HHIPL1: variants seen among roughly 807,000 people sequenced by gnomAD.
HHIPL1 encodes the protein HHIP like 1.
HHIPL1 carries 43 observed loss-of-function variants against 61.8 expected under a neutral mutation model. The observed-to-expected ratio is 0.70, with a 90% CI of 0.55 to 0.90. The LOEUF (loss-of-function observed/expected upper bound fraction) is 0.90, where lower values mean the gene tolerates loss of function less well. Among genes scored for constraint, HHIPL1 ranks in the 40% least tolerant of loss-of-function variants. The pLI is 0.00. For synonymous variants in HHIPL1, 482 were observed against 515.8 expected, an observed-to-expected ratio of 0.93 and a Z score of 0.89; for missense variants, 1,056 against 1,157.7, an observed-to-expected ratio of 0.91 and a Z score of 1.28.
the HHIPL1 span, among the ~76,000 whole-genome samples, chr14:99,637,222 A>AAGAT: frequency 7.5e-5 from 10 of 133,714 alleles, no homozygotes; most frequent in South Asian, 2.1e-3. Context: ...GAAAGAAAGA[A>AAGAT]AGAAAGAAAG....
chr14:99,637,268 A>AAAG, the HHIPL1 span, among the ~76,000 whole-genome samples: 6 of 142,610 alleles, frequency 4.2e-5, no homozygotes, highest in East Asian at 1.3e-3. Context: ...AAGAAAGAAA[A>AAAG]AGTGTGGCAA....
intron 3 of HHIPL1, 42 bp from the exon 4 acceptor site, chr14:99,659,386 C>G: frequency 7.3e-7 from 1 of 1,376,394 alleles, no homozygotes; most frequent in Non-Finnish European, 9.4e-7. Context: ...AGCCCTGGCT[C>G]AGGGCGACCC....
In HHIPL1 at chr14:99,675,937, G is replaced by A. The variant is rs2056387214; in HGVS notation, c.*311G>A. 1 of 340,516 alleles carries A rather than the reference G, an allele frequency of 2.9e-6. No individual in the cohort carries two copies. The highest frequency in any genetic ancestry group is 4.6e-5 in the East Asian group (1 of 21,818). 21.1% of individuals were successfully genotyped at this position (340,516 alleles called of 1,614,324 possible). A position where few individuals can be genotyped will look rare whatever the true frequency, so the allele number is the denominator to read the frequency against. ...CAGCCGGGCTGTGGGACCCTGAGGA[G>A]GGAGGGCAGCCAGGCTTCGAGGACG... On this transcript the variant is annotated 3_prime_UTR_variant, in exon 9 of 9. Coordinates refer to ENST00000330710, the MANE Select transcript of HHIPL1 (RefSeq NM_001127258.3). This position sits in a 1 kb window ranked among gnomAD's most constrained non-coding sequence, Gnocchi z 5.4.
At chr14:99,609,851 A>C in the HHIPL1 span, among the ~76,000 whole-genome samples, 1 of 152,236 alleles carries the variant, frequency 6.6e-6, no homozygotes, top group African/African-American at 2.4e-5. Context: ...AAAAGCCTCA[A>C]GTATAACCTG....
At chr14:99,611,839 G>C in the HHIPL1 span, among the ~76,000 whole-genome samples, 1 of 151,936 alleles carries the variant, frequency 6.6e-6, no homozygotes, top group Non-Finnish European at 1.5e-5. Context: ...TACCAAGACA[G>C]AGAATGTCAG....
At chr14:99,605,951 T>C in the HHIPL1 span, among the ~76,000 whole-genome samples, 11 of 152,194 alleles carry the variant, frequency 7.2e-5, no homozygotes, top group African/African-American at 2.4e-4. Flanking sequence ...AGATCATGTA[T>C]GATTCCAAGA....
the HHIPL1 span, among the ~76,000 whole-genome samples, chr14:99,622,979 A>C: frequency 6.6e-6 from 1 of 152,252 alleles, no homozygotes; most frequent in Non-Finnish European, 1.5e-5. Flanking sequence ...GCAAAGTGCC[A>C]TGAACAAGAC....
chr14:99,630,404 G>T, the HHIPL1 span, among the ~76,000 whole-genome samples: 1 of 152,206 alleles, frequency 6.6e-6, no homozygotes, highest in Non-Finnish European at 1.5e-5. Flanking sequence ...TCCAAGGTGT[G>T]GTACTCACAC....
At chr14:99,615,708 A>C in the HHIPL1 span, among the ~76,000 whole-genome samples, 1 of 151,792 alleles carries the variant, frequency 6.6e-6, no homozygotes, top group South Asian at 2.1e-4. Context: ...AAAGAAAGAA[A>C]GAAGGAAAGA....
chr14:99,636,796 T>C, the HHIPL1 span, among the ~76,000 whole-genome samples: 1 of 146,646 alleles, frequency 6.8e-6, no homozygotes, highest in East Asian at 2.0e-4. Context: ...GAGAGCAGCC[T>C]GAACAACACA....
the HHIPL1 span, among the ~76,000 whole-genome samples, chr14:99,631,100 CTTT>C: frequency 7.0e-6 from 1 of 143,766 alleles, no homozygotes; most frequent in Non-Finnish European, 1.5e-5. Context: ...TTCTTTCTTT[CTTT>C]CTTTCTCTCT....
chr14:99,605,951 T>A, the HHIPL1 span, among the ~76,000 whole-genome samples: 3 of 152,076 alleles, frequency 2.0e-5, no homozygotes, highest in African/African-American at 7.2e-5. Flanking sequence ...AGATCATGTA[T>A]GATTCCAAGA....
rs2056101332 is a variant in HHIPL1 at position 99,659,329 on chromosome 14, G to T, written c.1047-99G>T. 1.9e-5 allele frequency: 18 copies of T among 956,068 alleles called. No individual in the cohort carries two copies. In the East Asian group the frequency reaches 5.8e-4, roughly 31 times the overall value. The allele number at this position is 956,068 out of a possible 1,614,324, so 59.2% of individuals were successfully genotyped here. On this transcript the variant is annotated intron_variant, in intron 3 of 8. Transcript: ENST00000330710. ...ACAGCCTAGGCTCACCCTGCACCTG[G>T]CTCAGCGGTCAGCCGGCGCCCCAGC...
chr14:99,641,420 C>CT (rs1202590976), upstream of HHIPL1, among the ~76,000 whole-genome samples: 209 of 140,144 alleles, frequency 1.5e-3, 2 homozygotes, highest in African/African-American at 3.4e-3. Flanking sequence ...CTTTTTCTTT[C>CT]TTTTTTTTTT....
At chr14:99,644,187 G>A (rs1022274475), upstream of HHIPL1, among the ~76,000 whole-genome samples, 1 of 152,128 alleles carries the variant, frequency 6.6e-6, no homozygotes, top group Admixed American at 6.5e-5. Flanking sequence ...ACAGAAACAT[G>A]ATCCCCCAGG....
In HHIPL1 at chr14:99,654,338, A is replaced by T. The variant is rs191576416; in HGVS notation, c.902+1468A>T. 3.6e-3 allele frequency among the ~76,000 whole-genome samples: 550 copies of T among 152,256 alleles called. 3 individuals are homozygous for T. Among genetic ancestry groups the T allele is most frequent in the Non-Finnish European group, 4.2e-3 (287 of 68,030 alleles). On this transcript the variant is annotated intron_variant, in intron 2 of 8. Transcript: ENST00000330710. ...GGTTACTGGCGCCCTGGAGCTGGGGACACCCAGTGGAAGCTGGAGCCATAA... is the reference window on the plus strand; with the variant it reads ...GGTTACTGGCGCCCTGGAGCTGGGGTCACCCAGTGGAAGCTGGAGCCATAA...
At position 99,659,768 on chromosome 14, in the gene HHIPL1, C is replaced by A. The variant is rs1220055156; in HGVS notation, c.1375+12C>A. On this transcript the variant is annotated intron_variant, in intron 4 of 8. Transcript: ENST00000330710. ...CAACACCTCTCTCAGTGAGTGCCCG[C>A]GCCCCGGGGACCCCGGCCCCGAATC... The A allele has an allele frequency of 7.2e-7, 1 of 1,398,512 alleles. No homozygotes were observed. The highest frequency in any genetic ancestry group is 3.2e-5 in the Admixed American group (1 of 31,264). 86.6% of individuals were successfully genotyped at this position (1,398,512 alleles called of 1,614,324 possible).
At chr14:99,606,469 G>GA in the HHIPL1 span, among the ~76,000 whole-genome samples, 537 of 152,318 alleles carry the variant, frequency 3.5e-3, 1 homozygote, top group African/African-American at 0.012. Flanking sequence ...TACACCATAG[G>GA]AAAAACCCAC....
In HHIPL1 at chr14:99,678,746, A is replaced by G. The variant is rs1044095566; in HGVS notation, c.*3120A>G. The G allele has an allele frequency of 6.6e-6, 1 of 152,122 alleles. No homozygotes were observed. The highest frequency in any genetic ancestry group is 2.4e-5 in the African/African-American group (1 of 41,416). The allele number at this position is 152,122 out of a possible 1,614,324, so 9.4% of individuals were successfully genotyped here. A position where few individuals can be genotyped will look rare whatever the true frequency, so the allele number is the denominator to read the frequency against. On this transcript the variant is annotated 3_prime_UTR_variant, in exon 9 of 9. Coordinates refer to ENST00000330710, the MANE Select transcript of HHIPL1 (RefSeq NM_001127258.3). Reference sequence around the variant, plus strand: ...CCAGCACAGATATCTTGGTTAAAGTATAAGGACATAGAACGTACTATGTGC... The same window carrying G: ...CCAGCACAGATATCTTGGTTAAAGTGTAAGGACATAGAACGTACTATGTGC...
Sources: gnomAD v4.1 joint callset for allele counts (sites outside exome capture counted in the v4.1 genomes callset) on GRCh38, gnomAD v4.1.1 for gene constraint, Gnocchi (gnomAD v3.1) non-coding constraint, MANE v1.5 for transcripts, NCBI Gene and HGNC (gene_info 2026-07-23, HGNC 2026-07-21) for gene names.